CTNNA2: variants seen among roughly 807,000 people sequenced by gnomAD.
CTNNA2 encodes the protein catenin alpha 2.
In CTNNA2, 42 loss-of-function variants were observed where a neutral mutation model predicts 101.0. The observed-to-expected ratio is 0.42, with a 90% CI of 0.32 to 0.54. The LOEUF (loss-of-function observed/expected upper bound fraction) is 0.54, where lower values mean the gene tolerates loss of function less well. CTNNA2 is among the 20% of genes least tolerant of loss of function. The pLI, the probability that CTNNA2 is intolerant of heterozygous loss-of-function variation, is 0.14. For synonymous variants in CTNNA2, 450 were observed against 456.4 expected (o/e 0.99, Z 0.18); for missense variants, 871 against 1,223.1 (o/e 0.71, Z 4.29).
chr2:80,101,449 C>G (rs1439579490), intron 7 of CTNNA2, among the ~76,000 whole-genome samples: 2 of 152,140 alleles, frequency 1.3e-5, no homozygotes, highest in Non-Finnish European at 2.9e-5. Flanking sequence ...TTCACTTGAG[C>G]TGATTCTTTT....
At chr2:79,563,662 A>G (rs908839488) in intron 1 of CTNNA2, among the ~76,000 whole-genome samples, 4 of 152,188 alleles carry the variant, frequency 2.6e-5, no homozygotes, top group Non-Finnish European at 4.4e-5. Flanking sequence ...ATTTTCATGT[A>G]TAATTTATGA....
intron 7 of CTNNA2, among the ~76,000 whole-genome samples, chr2:80,330,755 C>A (rs1006122406): frequency 2.6e-5 from 4 of 151,950 alleles, no homozygotes; most frequent in African/African-American, 9.7e-5. Context: ...TTCATTATTG[C>A]GTTTACTACT....
At chr2:80,397,666 G>A (rs1678146612) in intron 8 of CTNNA2, among the ~76,000 whole-genome samples, 1 of 152,158 alleles carries the variant, frequency 6.6e-6, no homozygotes, top group Non-Finnish European at 1.5e-5. Flanking sequence ...CAACCTTGTG[G>A]AGTTGTGAAT....
intron 4 of CTNNA2, among the ~76,000 whole-genome samples, chr2:79,487,961 A>G (rs2104562056): frequency 6.6e-6 from 1 of 152,284 alleles, no homozygotes; most frequent in South Asian, 2.1e-4. Flanking sequence ...CTTACGACAC[A>G]AAGTGTTTAA....
intron 7 of CTNNA2, among the ~76,000 whole-genome samples, chr2:80,146,569 A>G (rs1482840044): frequency 6.6e-6 from 1 of 151,764 alleles, no homozygotes; most frequent in Non-Finnish European, 1.5e-5. Flanking sequence ...AAACTTACCC[A>G]CTTACTCTTT....
intron 2 of CTNNA2, among the ~76,000 whole-genome samples, chr2:79,201,805 G>A (rs1465803911): frequency 2.6e-5 from 4 of 152,036 alleles, no homozygotes; most frequent in Non-Finnish European, 5.9e-5. Context: ...TATATGAGAT[G>A]GGTCTCAGTC....
At chr2:79,194,137 T>G (rs566027067) in intron 1 of CTNNA2, among the ~76,000 whole-genome samples, 1 of 152,308 alleles carries the variant, frequency 6.6e-6, no homozygotes, top group East Asian at 1.9e-4. Flanking sequence ...TAAGCTTAAT[T>G]TCAAAAGATA....
chr2:79,223,454 C>A (rs571355347), intron 2 of CTNNA2, among the ~76,000 whole-genome samples: 1 of 152,284 alleles, frequency 6.6e-6, no homozygotes, highest in Non-Finnish European at 1.5e-5. Context: ...GTGAACTCTT[C>A]CTTCTCAGAA....
intron 12 of CTNNA2, among the ~76,000 whole-genome samples, chr2:80,558,397 T>G (rs977981536): frequency 1.3e-5 from 2 of 152,126 alleles, no homozygotes; most frequent in African/African-American, 4.8e-5. Context: ...AGTTTGAGGA[T>G]GACCACAGGA....
intron 7 of CTNNA2, among the ~76,000 whole-genome samples, chr2:80,291,490 A>G (rs1332041257): frequency 6.6e-6 from 1 of 152,216 alleles, no homozygotes; most frequent in Non-Finnish European, 1.5e-5. Flanking sequence ...TCAGATGTGT[A>G]CTTCATCATT....
At chr2:79,286,397 G>T (rs59402254) in intron 2 of CTNNA2, among the ~76,000 whole-genome samples, 2 of 152,040 alleles carry the variant, frequency 1.3e-5, no homozygotes, top group African/African-American at 4.8e-5. Flanking sequence ...GGTACCAGTT[G>T]TTCCTTTCCA....
chr2:80,556,620 A>G (rs1279214966), intron 12 of CTNNA2, among the ~76,000 whole-genome samples: 3 of 152,188 alleles, frequency 2.0e-5, no homozygotes, highest in East Asian at 1.9e-4. Context: ...AGAACAATCT[A>G]CAACTCTGGA....
At chr2:79,594,796 C>CA (rs1343008300) in intron 1 of CTNNA2, among the ~76,000 whole-genome samples, 1 of 152,070 alleles carries the variant, frequency 6.6e-6, no homozygotes, top group African/African-American at 2.4e-5. Context: ...TCTGAGCCCA[C>CA]AAGCATACTA....
rs77026801 is a variant in CTNNA2, at chr2:79,463,440, A to C, written c.-134-41614A>C. Among the ~76,000 whole-genome samples, 1,596 of 151,066 alleles carry C rather than the reference A, an allele frequency of 0.011. 79 individuals are homozygous for C. In the East Asian group the frequency reaches 0.13, roughly 12 times the overall value. On this transcript the variant is annotated intron_variant, in intron 4 of 21. Coordinates refer to the CTNNA2 transcript ENST00000466387. Reference sequence around the variant, plus strand: ...GAAAGTCCTGCTCCTGATGTAGCTGAGATGTTGTGTTTAGGCATTAGGACA... The same window carrying C: ...GAAAGTCCTGCTCCTGATGTAGCTGCGATGTTGTGTTTAGGCATTAGGACA...
Position 79,779,070 on chromosome 2 carries a change from A to C in CTNNA2, c.298+34488A>C, listed in dbSNP as rs79213689. ...GGAAGGCTCATTTGCCAAATTAGGC[A>C]TTAATGATGGCAGATACCTCACTTT... On this transcript the variant is annotated intron_variant, in intron 3 of 18. Transcript: ENST00000402739. 2.6e-4 allele frequency among the ~76,000 whole-genome samples: 39 copies of C among 152,196 alleles called. No individual in the cohort carries two copies. The East Asian group carries it at 6.4e-3, about 25-fold the overall frequency.
At chr2:79,701,186 A>C (rs955749) in intron 2 of CTNNA2, among the ~76,000 whole-genome samples, 13,651 of 152,114 alleles carry the variant, frequency 0.09, 669 homozygotes, top group Non-Finnish European at 0.11. Flanking sequence ...TTTAGTTCTT[A>C]TGAAACAGTG....
chr2:80,048,078 T>TGTCAC (rs1209348267), intron 7 of CTNNA2, among the ~76,000 whole-genome samples: 11 of 152,008 alleles, frequency 7.2e-5, no homozygotes, highest in Non-Finnish European at 1.0e-4. Flanking sequence ...AAAATAATGG[T>TGTCAC]TTAAAGACAG....
At chr2:79,718,843 G>A (rs944276880) in intron 2 of CTNNA2, among the ~76,000 whole-genome samples, 1 of 149,884 alleles carries the variant, frequency 6.7e-6, no homozygotes, top group African/African-American at 2.5e-5. Flanking sequence ...TTTTTGTGGT[G>A]GTGGTGGTGA....
chr2:79,787,004 G>A (rs746562161), intron 3 of CTNNA2, among the ~76,000 whole-genome samples: 1 of 151,688 alleles, frequency 6.6e-6, no homozygotes, highest in Non-Finnish European at 1.5e-5. Context: ...CCATGCCTTG[G>A]CATTATCTCC....
Sources: gnomAD v4.1 joint callset for allele counts (sites outside exome capture counted in the v4.1 genomes callset) on GRCh38, gnomAD v4.1.1 for gene constraint, MANE v1.5 for transcripts, NCBI Gene and HGNC (gene_info 2026-07-23, HGNC 2026-07-21) for gene names.